Variants in BDP1 observed in about 807,000 individuals in gnomAD.
BDP1 encodes BDP1 general transcription factor IIIB subunit, also known as transcription factor TFIIIB component B'' homolog.
In BDP1, 169 loss-of-function variants were observed where a neutral mutation model predicts 266.6. That is an observed-to-expected ratio of 0.63 (90% CI 0.56 to 0.72). BDP1 has a LOEUF of 0.72. Ranked by LOEUF, BDP1 falls within the 30% of genes least tolerant of loss-of-function variation. The pLI, the probability that BDP1 is intolerant of heterozygous loss-of-function variation, is 0.00. For synonymous variants in BDP1, 1,090 were observed against 1,022.4 expected (o/e 1.07, Z -1.26); for missense variants, 3,015 against 3,053.8 (o/e 0.99, Z 0.30).
chr5:71,502,628 G>T lies in BDP1; in HGVS notation c.2078G>T (p.Gly693Val), dbSNP rs751894236. The change falls in exon 15 of 39, where the codon GGG becomes GTG. Residue 693 changes from glycine to valine, a missense_variant. This residue lies in a region of BDP1 where 2,383 missense variants were observed against 2,404.9 expected (regional missense o/e 0.99). Transcript: ENST00000358731. ...GGTGAAAAAAATTGTCTGCAGGAAG[G>T]GAGTCAACTAAAGGCTTTAAGACCT... ...VLGEKNCLQE[G>V]SQLKALRPVQ... 8.1e-6 allele frequency: 13 copies of T among 1,605,714 alleles called. No individual in the cohort carries two copies. In the African/African-American group the frequency reaches 1.6e-4, roughly 20 times the overall value.
intron 36 of BDP1, among the ~76,000 whole-genome samples, chr5:71,558,782 C>T (rs568418863): frequency 4.6e-4 from 69 of 151,362 alleles, no homozygotes; most frequent in African/African-American, 1.3e-3. Context: ...GCCGAGATTG[C>T]GCCATTGCAC....
At chr5:71,570,373 C>T (rs528999751), downstream of BDP1, among the ~76,000 whole-genome samples, 1 of 152,326 alleles carries the variant, frequency 6.6e-6, no homozygotes, top group East Asian at 1.9e-4. Flanking sequence ...AAAATCCTTC[C>T]TCAGAGGCTC....
intron 25 of BDP1, among the ~76,000 whole-genome samples, chr5:71,529,244 G>T (rs1766088379): frequency 6.6e-6 from 1 of 152,080 alleles, no homozygotes; most frequent in South Asian, 2.1e-4. Flanking sequence ...ACAAAAATTT[G>T]CTGGGCGTGG....
chr5:71,534,698 A>G (rs1001088160), intron 26 of BDP1, among the ~76,000 whole-genome samples: 7 of 152,024 alleles, frequency 4.6e-5, no homozygotes. Flanking sequence ...CTGGAGTGCA[A>G]TGGCGCGATC....
the BDP1 span, among the ~76,000 whole-genome samples, chr5:71,575,642 C>A: frequency 1.7e-3 from 258 of 151,744 alleles, 1 homozygote; most frequent in Non-Finnish European, 3.1e-3. Flanking sequence ...ATCTTAAGGA[C>A]TGTTTCTTTA....
At chr5:71,555,673 A>G (rs1188680491) in intron 35 of BDP1, among the ~76,000 whole-genome samples, 1 of 152,068 alleles carries the variant, frequency 6.6e-6, no homozygotes, top group East Asian at 1.9e-4. Context: ...TCCGGACCTC[A>G]GATGATCCGC....
intron 29 of BDP1, 77 bp from the exon 30 acceptor site, chr5:71,542,028 A>T: frequency 8.6e-7 from 1 of 1,157,366 alleles, no homozygotes; most frequent in Non-Finnish European, 1.2e-6. Flanking sequence ...TCACTCTATC[A>T]GTGCTAGACA....
intron 19 of BDP1, among the ~76,000 whole-genome samples, chr5:71,514,160 A>C (rs1284049873): frequency 6.6e-6 from 1 of 152,216 alleles, no homozygotes; most frequent in East Asian, 1.9e-4. Flanking sequence ...CCATCAAAAA[A>C]ACATTGAAAC....
At chr5:71,514,871 G>T (rs555980877) in intron 19 of BDP1, 73 bp from the exon 20 acceptor site, 2 of 1,093,614 alleles carry the variant, frequency 1.8e-6, no homozygotes, top group Non-Finnish European at 2.6e-6. Context: ...GATGATATCA[G>T]TTTATACTTG....
Position 71,509,337 on chromosome 5 carries a change from C to T in BDP1, c.2373-128C>T. ...AATTTTTAAATTTTACCCAGCGATT[C>T]CTAGGCCTTCCTTAATTTTTTTGAA... On this transcript the variant is annotated intron_variant, in intron 16 of 38. Coordinates refer to ENST00000358731, the MANE Select transcript of BDP1 (RefSeq NM_018429.3). The T allele has an allele frequency of 4.8e-6, 5 of 1,051,530 alleles. 1 individual carries two copies. In the Admixed American group the frequency reaches 8.4e-5, roughly 18 times the overall value. The allele number at this position is 1,051,530 out of a possible 1,614,324, so 65.1% of individuals were successfully genotyped here.
chr5:71,562,704 TAC>T, intron 38 of BDP1, 184 bp downstream of exon 38: 1 of 1,488,314 alleles, frequency 6.7e-7, no homozygotes, highest in South Asian at 1.2e-5. Flanking sequence ...GTCAGGAAGT[TAC>T]AGTTAGATTA....
At chr5:71,527,082 CTT>C (rs935233534) in intron 25 of BDP1, among the ~76,000 whole-genome samples, 1 of 151,924 alleles carries the variant, frequency 6.6e-6, no homozygotes, top group Admixed American at 6.6e-5. Context: ...CCACAGAACT[CTT>C]TTTTAAAATT....
Position 71,538,951 on chromosome 5 carries a change from T to A in BDP1, c.5893-91T>A. 5 of 827,672 alleles carry A rather than the reference T, an allele frequency of 6.0e-6. No individual in the cohort carries two copies. The South Asian group carries it at 7.7e-5, about 13-fold the overall frequency. 51.3% of individuals were successfully genotyped at this position (827,672 alleles called of 1,614,324 possible). A position where few individuals can be genotyped will look rare whatever the true frequency, so the allele number is the denominator to read the frequency against. On this transcript the variant is annotated intron_variant, in intron 26 of 38. Coordinates refer to ENST00000358731, the MANE Select transcript of BDP1 (RefSeq NM_018429.3). Reference sequence around the variant, plus strand: ...GTTTACACTATTGTAGCTAAAAGTATGGAAAGACCTCTGAAAATGTAGTGC... The same window carrying A: ...GTTTACACTATTGTAGCTAAAAGTAAGGAAAGACCTCTGAAAATGTAGTGC...
At chr5:71,527,737 T>C (rs1000510775) in intron 25 of BDP1, among the ~76,000 whole-genome samples, 1 of 152,168 alleles carries the variant, frequency 6.6e-6, no homozygotes, top group Non-Finnish European at 1.5e-5. Flanking sequence ...GTTGTATAAA[T>C]ACCTCTTTGA....
At chr5:71,471,722 G>T (rs1167394929) in intron 7 of BDP1, among the ~76,000 whole-genome samples, 3 of 152,188 alleles carry the variant, frequency 2.0e-5, no homozygotes, top group Non-Finnish European at 2.9e-5. Flanking sequence ...ACACTATGTT[G>T]CCATAATGCA....
At position 71,504,645 on chromosome 5, in the gene BDP1, T is replaced by A; in HGVS notation, c.2266T>A (p.Ser756Thr). 1 of 1,613,406 alleles carries A rather than the reference T, an allele frequency of 6.2e-7. No individual in the cohort carries two copies. Residue 756 changes from serine (S) to threonine (T), a missense_variant, in exon 16 of 39, where the codon TCG (serine) becomes ACG (threonine). By Grantham distance (58) the Ser-to-Thr change is moderately conservative. Coordinates refer to ENST00000358731, the MANE Select transcript of BDP1 (RefSeq NM_018429.3). ...GACTCCTCAACACATGGAAGATCAA[T>A]CGCGTAAAGATTTTGAAGAGGAAGA... is the stretch of plus-strand genomic sequence containing the variant. ...RDTPQHMEDQ[S>T]RKDFEEEDVI... is the part of the protein sequence containing the mutation.
Position 71,509,764 on chromosome 5 carries a change from T to A in BDP1, c.2672T>A (p.Val891Glu), listed in dbSNP as rs1764792578. ...AISPREKILDVIDDTIEMETG... is the reference protein window; with the variant it reads ...AISPREKILDEIDDTIEMETG... ...TCTCCCAGGGAGAAGATTCTAGATG[T>A]GATTGATGACACCATAGAAATGGAG... Residue 891 changes from valine to glutamate, a missense_variant, in exon 17 of 39, where the codon GTG (valine) becomes GAG (glutamate). Physicochemically the swap from Val to Glu is moderately radical, Grantham distance 121 (BLOSUM62 -2). Coordinates refer to ENST00000358731, the MANE Select transcript of BDP1 (RefSeq NM_018429.3). 1.2e-5 allele frequency: 19 copies of A among 1,614,010 alleles called. No homozygotes were observed. Among genetic ancestry groups the A allele is most frequent in the Non-Finnish European group, 1.6e-5 (19 of 1,180,028 alleles).
chr5:71,528,393 A>C (rs1205624348), intron 25 of BDP1, among the ~76,000 whole-genome samples: 1 of 152,160 alleles, frequency 6.6e-6, no homozygotes, highest in East Asian at 1.9e-4. Context: ...GTTCTGCCTT[A>C]ATTTTCAGTC....
rs371608018 is a variant in BDP1 at position 71,539,613 on chromosome 5, G to C, written c.5986G>C (p.Val1996Leu). 6.2e-7 allele frequency: 1 copy of C among 1,612,096 alleles called. No homozygotes were observed. The highest frequency in any genetic ancestry group is 8.5e-7 in the Non-Finnish European group (1 of 1,179,200). ...AACTTTACTTACAATGGGAGATCTA[G>C]TATTGCAGTCAGAGATCAGTAGTGA... ...AITLLTMGDL[V>L]LQSEISSEQG... is the part of the protein sequence containing the mutation. Residue 1996 changes from valine to leucine, a missense_variant, in exon 28 of 39, where the codon GTA (valine) becomes CTA (leucine). This residue lies in a region of BDP1 where 2,383 missense variants were observed against 2,404.9 expected (regional missense o/e 0.99). Coordinates refer to ENST00000358731, the MANE Select transcript of BDP1 (RefSeq NM_018429.3).
Sources: gnomAD v4.1 joint callset for allele counts (sites outside exome capture counted in the v4.1 genomes callset) on GRCh38, gnomAD v4.1.1 for gene constraint, gnomAD v4.1.1 regional missense constraint, MANE v1.5 for transcripts, NCBI Gene and HGNC (gene_info 2026-07-23, HGNC 2026-07-21) for gene names.